PCDHGA1: variants seen among roughly 807,000 people sequenced by gnomAD.
PCDHGA1 encodes the protein protocadherin gamma subfamily A, 1.
Under a neutral mutation model 58.0 loss-of-function variants are expected in PCDHGA1, and 32 were observed. The ratio of observed to expected loss-of-function variants is 0.55; its 90% CI spans 0.42 to 0.74. PCDHGA1 has a LOEUF of 0.74. Among genes scored for constraint, PCDHGA1 ranks in the 30% least tolerant of loss-of-function variants. The probability of loss-of-function intolerance (pLI) is 0.00; values close to 1 mark genes in which losing one functional copy is unlikely to be tolerated. For synonymous variants in PCDHGA1, 498 were observed against 501.1 expected (o/e 0.99, Z 0.08); for missense variants, 1,205 against 1,182.3 (o/e 1.02, Z -0.28).
intron 1 of PCDHGA1, chr5:141,492,050 C>T (rs2099736541): frequency 4.0e-6 from 2 of 500,984 alleles, no homozygotes; most frequent in South Asian, 7.5e-5. Context: ...AGATCCACCC[C>T]TGCAGCCAGC....
intron 1 of PCDHGA1, chr5:141,355,852 G>A (rs769137645): frequency 6.2e-7 from 1 of 1,612,424 alleles, no homozygotes; most frequent in South Asian, 1.1e-5. Context: ...CTTCGATGGA[G>A]GTGACCCGGT....
intron 1 of PCDHGA1, among the ~76,000 whole-genome samples, chr5:141,460,369 T>C (rs1048970945): frequency 2.1e-4 from 32 of 152,322 alleles, no homozygotes; most frequent in African/African-American, 7.7e-4. Flanking sequence ...AGTTTTATAG[T>C]TTTACCATTT....
At chr5:141,425,214 A>G (rs999893857) in intron 1 of PCDHGA1, among the ~76,000 whole-genome samples, 2 of 152,178 alleles carry the variant, frequency 1.3e-5, no homozygotes, top group Non-Finnish European at 2.9e-5. Context: ...AAGGCATTGT[A>G]CTTTGACTGG....
intron 1 of PCDHGA1, chr5:141,339,485 C>G (rs1367659108): frequency 6.2e-7 from 1 of 1,614,214 alleles, no homozygotes; most frequent in South Asian, 1.1e-5. Context: ...GAAGTACGCA[C>G]TCAACCCAAA....
At chr5:141,462,698 G>A (rs2099045237) in intron 1 of PCDHGA1, among the ~76,000 whole-genome samples, 1 of 152,062 alleles carries the variant, frequency 6.6e-6, no homozygotes. Context: ...ATTTATAATG[G>A]AGGTTTTAAA....
chr5:141,375,973 C>A (rs577451422), intron 1 of PCDHGA1: 742 of 1,613,246 alleles, frequency 4.6e-4, no homozygotes, highest in Middle Eastern at 1.7e-3. Context: ...GCACGGCGCG[C>A]GCCCTGCTGG....
At position 141,357,621 on chromosome 5, in the gene PCDHGA1, G is replaced by A. The variant is rs746909809; in HGVS notation, c.2421+24516G>A. The stretch of plus-strand genomic sequence containing the variant: ...AAACAAAAGGAGACCCTAATCTTCA[G>A]GTGAGTCAATCTTATAATAGATCAT... On this transcript the variant is annotated intron_variant, in intron 1 of 3. Transcript: ENST00000517417. The A allele has an allele frequency of 1.9e-6, 3 of 1,613,788 alleles. No individual in the cohort carries two copies. In the South Asian group the frequency reaches 3.3e-5, roughly 18 times the overall value.
Position 141,499,029 on chromosome 5 carries a change from A to AAGGAAGG in PCDHGA1, c.2480+4165_2480+4166insGGAAGGA, listed in dbSNP as rs1562187768. Among the ~76,000 whole-genome samples, 348 of 140,068 alleles carry AAGGAAGG rather than the reference A, an allele frequency of 2.5e-3. 2 individuals carry two copies. The highest frequency in any genetic ancestry group is 9.3e-3 in the African/African-American group (335 of 36,066). The allele number at this position is 140,068 out of a possible 152,430, so 91.9% of individuals were successfully genotyped here. ...GGAAGGAAGGAAGGAAGGAAGGAAG[A>AAGGAAGG]AAAGAAAGAAAAAGGGAGAAAAAAT... is the stretch of plus-strand genomic sequence containing the variant. On this transcript the variant is annotated intron_variant, in intron 2 of 3. Transcript: ENST00000517417.
At chr5:141,419,436 G>T (rs756968644) in intron 1 of PCDHGA1, 1 of 1,613,144 alleles carries the variant, frequency 6.2e-7, no homozygotes, top group East Asian at 2.2e-5. Context: ...GAGCAGCTGC[G>T]CACCTTCGAG....
intron 1 of PCDHGA1, chr5:141,376,036 G>A (rs755190782): frequency 5.0e-6 from 8 of 1,613,116 alleles, no homozygotes; most frequent in South Asian, 1.1e-5. Flanking sequence ...ACCACGGCCA[G>A]CCCCCTCTCT....
chr5:141,383,743 C>T (rs371173445), intron 1 of PCDHGA1: 56 of 1,613,920 alleles, frequency 3.5e-5, no homozygotes, highest in Non-Finnish European at 4.7e-5. Flanking sequence ...ATATTCTTTT[C>T]GGAAAATAAC....
At chr5:141,413,065 T>A (rs2095601710) in intron 1 of PCDHGA1, 2 of 1,159,986 alleles carry the variant, frequency 1.7e-6, no homozygotes, top group African/African-American at 3.1e-5. Flanking sequence ...CTCCAGAATT[T>A]AAAGTGCCCA....
intron 1 of PCDHGA1, among the ~76,000 whole-genome samples, chr5:141,459,176 T>C (rs2098962762): frequency 6.6e-6 from 1 of 152,210 alleles, no homozygotes. Context: ...CTTCAAAAGT[T>C]CCCTCATGCC....
At chr5:141,423,501 C>T (rs2096747990) in intron 1 of PCDHGA1, 1 of 1,613,990 alleles carries the variant, frequency 6.2e-7, no homozygotes, top group Non-Finnish European at 8.5e-7. Context: ...CCCACGAGGT[C>T]TCTCTCATTG....
At position 141,379,889 on chromosome 5, in the gene PCDHGA1, C is replaced by CTTT. The variant is rs70988800; in HGVS notation, c.2421+46812_2421+46814dup. On this transcript the variant is annotated intron_variant, in intron 1 of 3. Transcript: ENST00000517417. Reference sequence around the variant, plus strand: ...CTTATTTTATGGTCTGTGAAAGCCTCTTTTTTTTTTTTTTTTTTTTTTTTT... The same window carrying CTTT: ...CTTATTTTATGGTCTGTGAAAGCCTCTTTTTTTTTTTTTTTTTTTTTTTTTTTT... Among the ~76,000 whole-genome samples the CTTT allele has an allele frequency of 4.3e-3, 221 of 50,830 alleles. 36 individuals are homozygous for CTTT. The highest frequency in any genetic ancestry group is 5.4e-3 in the Non-Finnish European group (141 of 25,886). The allele number at this position is 50,830 out of a possible 152,430, so 33.3% of individuals were successfully genotyped here.
intron 1 of PCDHGA1, among the ~76,000 whole-genome samples, chr5:141,452,835 C>A (rs2098750110): frequency 6.6e-6 from 1 of 152,154 alleles, no homozygotes; most frequent in Admixed American, 6.5e-5. Flanking sequence ...TCACTTGGTC[C>A]AGCCCACACT....
intron 1 of PCDHGA1, chr5:141,398,627 T>C: frequency 6.2e-7 from 1 of 1,614,044 alleles, no homozygotes; most frequent in Non-Finnish European, 8.5e-7. Context: ...TTAAACTCTC[T>C]GCAGAAGTAT....
Position 141,330,893 on chromosome 5 carries a change from G to A in PCDHGA1, c.209G>A (p.Gly70Asp). Reference sequence around the variant, plus strand: ...GGCGGAGTCCGCATCGTCTCCAGAGGTAGGATGCCGCTTTTCGCTCTGAAT... The same window carrying A: ...GGCGGAGTCCGCATCGTCTCCAGAGATAGGATGCCGCTTTTCGCTCTGAAT... ...ADGGVRIVSRGRMPLFALNPR... is the reference protein window; with the variant it reads ...ADGGVRIVSRDRMPLFALNPR... Residue 70 changes from glycine (G) to aspartate (D), a missense_variant, in exon 1 of 4, where the codon GGT (glycine) becomes GAT (aspartate). Physicochemically the swap from Gly to Asp is moderately conservative, Grantham distance 94. Transcript: ENST00000517417. 6.2e-7 allele frequency: 1 copy of A among 1,614,244 alleles called. No individual in the cohort carries two copies. Among genetic ancestry groups the A allele is most frequent in the Non-Finnish European group, 8.5e-7 (1 of 1,180,044 alleles).
In PCDHGA1 at chr5:141,339,734, A is replaced by G. The variant is rs1448912033; in HGVS notation, c.2421+6629A>G. The G allele has an allele frequency of 2.5e-6, 4 of 1,613,954 alleles. No homozygotes were observed. The African/African-American group carries it at 4.0e-5, about 16-fold the overall frequency. ...GTACCGCATAAGCATTCCGGAGAAT[A>G]CGCTCGTGGGCACCCGGATACTCAC... is the stretch of plus-strand genomic sequence containing the variant. On this transcript the variant is annotated intron_variant, in intron 1 of 3. Coordinates refer to ENST00000517417, the MANE Select transcript of PCDHGA1 (RefSeq NM_018912.3).
Sources: allele counts gnomAD v4.1 joint callset (sites outside exome capture counted in the v4.1 genomes callset), GRCh38; gene constraint gnomAD v4.1.1; transcripts MANE v1.5; gene names NCBI Gene and HGNC (gene_info 2026-07-23, HGNC 2026-07-21).